Variants in CDH12 observed in about 807,000 individuals in gnomAD.
CDH12 encodes cadherin 12.
Under a neutral mutation model 74.1 loss-of-function variants are expected in CDH12, and 41 were observed. The observed-to-expected ratio is 0.55, with a 90% CI of 0.43 to 0.72. The LOEUF is 0.72. Ranked by LOEUF, CDH12 falls within the 30% of genes least tolerant of loss-of-function variation. The pLI is 0.00. For synonymous variants in CDH12, 399 were observed against 355.0 expected, an observed-to-expected ratio of 1.12 and a Z score of -1.39; for missense variants, 945 against 977.2, an observed-to-expected ratio of 0.97 and a Z score of 0.44.
At chr5:22,234,406 G>A (rs947365103) in intron 3 of CDH12, among the ~76,000 whole-genome samples, 1 of 152,072 alleles carries the variant, frequency 6.6e-6, no homozygotes, top group Non-Finnish European at 1.5e-5. Flanking sequence ...AGATCTGATG[G>A]TTGTATCAGG....
chr5:22,581,891 C>T lies in CDH12; in HGVS notation c.-522-76527G>A, dbSNP rs550676632. ...AAAAAATTACAGCCTGAAAACATTTCTATGAAAAAATAGGGGTAAGGGAAG... is the reference window on the plus strand; with the variant it reads ...AAAAAATTACAGCCTGAAAACATTTTTATGAAAAAATAGGGGTAAGGGAAG... On this transcript the variant is annotated intron_variant, in intron 1 of 14. Transcript: ENST00000382254. Among the ~76,000 whole-genome samples, 9 of 152,214 alleles carry T rather than the reference C, an allele frequency of 5.9e-5. No homozygotes were observed. In the East Asian group the frequency reaches 1.7e-3, roughly 29 times the overall value.
chr5:22,843,197 T>A (rs2126526599), intron 1 of CDH12, among the ~76,000 whole-genome samples: 1 of 152,210 alleles, frequency 6.6e-6, no homozygotes, highest in Middle Eastern at 3.4e-3. Context: ...AGGGTAGCTC[T>A]CTGTGAATCC....
chr5:22,650,017 A>T (rs947104042), intron 1 of CDH12, among the ~76,000 whole-genome samples: 27 of 152,044 alleles, frequency 1.8e-4, no homozygotes, highest in African/African-American at 5.3e-4. Flanking sequence ...TCTATATAAC[A>T]TAAATGTCTA....
intron 5 of CDH12, among the ~76,000 whole-genome samples, chr5:22,031,564 T>C (rs1738829704): frequency 6.6e-6 from 1 of 152,190 alleles, no homozygotes. Flanking sequence ...ATCTCGCCTT[T>C]TAATGTGGCT....
intron 1 of CDH12, among the ~76,000 whole-genome samples, chr5:22,798,767 T>A (rs930202527): frequency 2.0e-5 from 3 of 152,202 alleles, no homozygotes; most frequent in African/African-American, 7.2e-5. Context: ...AAGTATAGTA[T>A]GTTTTCTAAA....
Position 21,948,812 on chromosome 5 carries a change from T to C in CDH12, c.526+26279A>G, listed in dbSNP as rs149344859. ...GTTGAGGGCAGGACCTGGTGGAAGG[T>C]GATTGGATCATGTGGGCGGTTTCTG... On this transcript the variant is annotated intron_variant, in intron 6 of 14. Transcript: ENST00000382254. Among the ~76,000 whole-genome samples, 1,182 of 152,244 alleles carry C rather than the reference T, an allele frequency of 7.8e-3. 10 individuals carry two copies. Among genetic ancestry groups the C allele is most frequent in the African/African-American group, 0.026 (1,094 of 41,532 alleles).
chr5:22,265,213 G>T (rs1753663312), intron 3 of CDH12, among the ~76,000 whole-genome samples: 1 of 152,122 alleles, frequency 6.6e-6, no homozygotes, highest in Non-Finnish European at 1.5e-5. Context: ...TCAGCAGGAG[G>T]TTAGAATGCT....
intron 3 of CDH12, among the ~76,000 whole-genome samples, chr5:22,256,708 T>C (rs1753330639): frequency 1.3e-5 from 2 of 152,152 alleles, no homozygotes; most frequent in South Asian, 2.1e-4. Context: ...GATAATGATA[T>C]TGATAATCTT....
intron 3 of CDH12, among the ~76,000 whole-genome samples, chr5:22,319,689 T>C (rs1475335369): frequency 1.3e-5 from 2 of 152,174 alleles, no homozygotes; most frequent in Admixed American, 1.3e-4. Context: ...ATAAATTCTT[T>C]AGTAACATTT....
At chr5:22,679,186 C>T (rs1276693472) in intron 1 of CDH12, among the ~76,000 whole-genome samples, 1 of 152,062 alleles carries the variant, frequency 6.6e-6, no homozygotes, top group Non-Finnish European at 1.5e-5. Flanking sequence ...TTCTTATCAC[C>T]ACTAAACTTC....
chr5:22,773,168 A>G (rs1746902844), intron 1 of CDH12, among the ~76,000 whole-genome samples: 1 of 152,042 alleles, frequency 6.6e-6, no homozygotes, highest in African/African-American at 2.4e-5. Context: ...AAATTCCTAT[A>G]GAATCAAAAA....
At chr5:22,402,279 C>A (rs1427220254) in intron 3 of CDH12, among the ~76,000 whole-genome samples, 1 of 152,162 alleles carries the variant, frequency 6.6e-6, no homozygotes, top group African/African-American at 2.4e-5. Context: ...AAGTGAAGAA[C>A]ACTGTAGAGA....
At chr5:22,464,223 A>G (rs2126591645) in intron 2 of CDH12, among the ~76,000 whole-genome samples, 1 of 152,278 alleles carries the variant, frequency 6.6e-6, no homozygotes, top group Non-Finnish European at 1.5e-5. Context: ...GATGATTGTG[A>G]GGCTTCCCCA....
chr5:22,578,020 C>A (rs1739880061), intron 1 of CDH12, among the ~76,000 whole-genome samples: 1 of 152,076 alleles, frequency 6.6e-6, no homozygotes, highest in South Asian at 2.1e-4. Context: ...TTACTGCAAC[C>A]CAACTAGTGG....
chr5:21,952,501 C>T (rs553909621), intron 6 of CDH12, among the ~76,000 whole-genome samples: 1 of 152,250 alleles, frequency 6.6e-6, no homozygotes, highest in South Asian at 2.1e-4. Flanking sequence ...TGAATGAAAG[C>T]CACTGACATA....
chr5:22,091,211 A>G (rs1183798373), intron 4 of CDH12, among the ~76,000 whole-genome samples: 1 of 148,836 alleles, frequency 6.7e-6, no homozygotes, highest in Admixed American at 6.8e-5. Context: ...ATATATATAT[A>G]TATATATATA....
intron 1 of CDH12, among the ~76,000 whole-genome samples, chr5:22,560,774 T>G (rs1355412622): frequency 2.6e-5 from 4 of 152,160 alleles, no homozygotes; most frequent in African/African-American, 9.7e-5. Flanking sequence ...TAATGTGCCT[T>G]AACAAGTTGT....
intron 1 of CDH12, among the ~76,000 whole-genome samples, chr5:22,662,573 A>C (rs1740406316): frequency 6.6e-6 from 1 of 152,240 alleles, no homozygotes; most frequent in African/African-American, 2.4e-5. Flanking sequence ...AAACAGGAAA[A>C]ATAAACACAA....
intron 1 of CDH12, among the ~76,000 whole-genome samples, chr5:22,573,665 A>C (rs1279398184): frequency 6.6e-6 from 1 of 152,176 alleles, no homozygotes; most frequent in Non-Finnish European, 1.5e-5. Flanking sequence ...TGTACTATTG[A>C]ATATTGCATA....
Sources: gnomAD v4.1 joint callset for allele counts (sites outside exome capture counted in the v4.1 genomes callset) on GRCh38, gnomAD v4.1.1 for gene constraint, MANE v1.5 for transcripts, NCBI Gene and HGNC (gene_info 2026-07-23, HGNC 2026-07-21) for gene names.